The following GUCY1A2 variants were observed in gnomAD, a reference collection of about 807,000 sequenced individuals.
GUCY1A2 encodes the protein guanylate cyclase soluble subunit alpha-2.
A neutral mutation model predicts 63.5 loss-of-function variants in GUCY1A2; 27 were observed. That is an observed-to-expected ratio of 0.43 (90% CI 0.31 to 0.59). The LOEUF (loss-of-function observed/expected upper bound fraction) is 0.59, where lower values mean the gene tolerates loss of function less well. Ranked by LOEUF, GUCY1A2 falls within the 20% of genes least tolerant of loss-of-function variation. The pLI is 0.11. For synonymous variants in GUCY1A2, 364 were observed against 343.5 expected, an observed-to-expected ratio of 1.06 and a Z score of -0.66; for missense variants, 768 against 913.3, an observed-to-expected ratio of 0.84 and a Z score of 2.05.
At chr11:106,693,599 T>C (rs1862664456) in intron 7 of GUCY1A2, among the ~76,000 whole-genome samples, 1 of 152,182 alleles carries the variant, frequency 6.6e-6, no homozygotes, top group Non-Finnish European at 1.5e-5. Context: ...GTTTTCTTTT[T>C]ATGCATTTTG....
chr11:106,905,331 G>T (rs1860189770), intron 4 of GUCY1A2, among the ~76,000 whole-genome samples: 1 of 151,958 alleles, frequency 6.6e-6, no homozygotes, highest in African/African-American at 2.4e-5. Flanking sequence ...TCATAGATTG[G>T]GTGGCTTAAA....
chr11:106,708,310 T>C (rs1862953091), intron 7 of GUCY1A2, among the ~76,000 whole-genome samples: 1 of 152,104 alleles, frequency 6.6e-6, no homozygotes, highest in African/African-American at 2.4e-5. Flanking sequence ...CTCTCAGTCA[T>C]GTCAGATTTT....
rs553620489 is a variant in GUCY1A2 at position 106,861,103 on chromosome 11, C to T, written c.1207-50625G>A. 6.6e-5 allele frequency among the ~76,000 whole-genome samples: 10 copies of T among 152,020 alleles called. No homozygotes were observed. In the South Asian group the frequency reaches 2.1e-3, roughly 32 times the overall value. ...CAATGTGCTTGAGTCCTCGCTCTAA[C>T]CTATTAGATATAAATGGTCTCCACA... On this transcript the variant is annotated intron_variant, in intron 4 of 7. Coordinates refer to ENST00000526355, the MANE Select transcript of GUCY1A2 (RefSeq NM_000855.3).
intron 4 of GUCY1A2, among the ~76,000 whole-genome samples, chr11:106,822,258 G>A (rs1018327372): frequency 2.6e-5 from 4 of 152,062 alleles, no homozygotes; most frequent in African/African-American, 9.7e-5. Context: ...ATTACCATAC[G>A]AACAATTTTT....
intron 5 of GUCY1A2, among the ~76,000 whole-genome samples, chr11:106,788,809 G>T (rs1864610175): frequency 6.6e-6 from 1 of 152,150 alleles, no homozygotes; most frequent in South Asian, 2.1e-4. Flanking sequence ...CTATAGCTCT[G>T]TAGTATAATT....
At chr11:106,965,659 G>A (rs1448250299) in intron 3 of GUCY1A2, among the ~76,000 whole-genome samples, 1 of 152,150 alleles carries the variant, frequency 6.6e-6, no homozygotes, top group Non-Finnish European at 1.5e-5. Context: ...TATGCTGACA[G>A]AGCCAGGACA....
chr11:106,716,479 ATAGCATTGTGATTTTCTT>A (rs1863216107), intron 6 of GUCY1A2, among the ~76,000 whole-genome samples: 1 of 152,138 alleles, frequency 6.6e-6, no homozygotes, highest in Admixed American at 6.5e-5. Flanking sequence ...TTTCCAGCCA[ATAGCATTGTGATTTTCTT>A]TAGGCAATTC....
intron 6 of GUCY1A2, among the ~76,000 whole-genome samples, chr11:106,760,423 G>C (rs1254969279): frequency 6.6e-6 from 1 of 152,048 alleles, no homozygotes; most frequent in Non-Finnish European, 1.5e-5. Context: ...TTCTAAAGTG[G>C]GCCGAACTTC....
intron 1 of GUCY1A2, among the ~76,000 whole-genome samples, chr11:106,992,181 T>C (rs186465989): frequency 9.8e-4 from 149 of 152,280 alleles, no homozygotes; most frequent in Non-Finnish European, 1.1e-3. Context: ...TATATTATCC[T>C]AATTGATCCT....
intron 4 of GUCY1A2, among the ~76,000 whole-genome samples, chr11:106,855,957 A>C (rs1859427017): frequency 6.6e-6 from 1 of 150,406 alleles, no homozygotes; most frequent in East Asian, 2.0e-4. Flanking sequence ...ACAGGGTCTC[A>C]TTCCATCACC....
chr11:106,793,262 C>T (rs919083643), intron 5 of GUCY1A2, among the ~76,000 whole-genome samples: 5 of 152,008 alleles, frequency 3.3e-5, no homozygotes, highest in Non-Finnish European at 5.9e-5. Flanking sequence ...GAGGAAGAAT[C>T]TTCTCTTCAA....
At chr11:106,709,144 T>C (rs939382628) in intron 6 of GUCY1A2, among the ~76,000 whole-genome samples, 2 of 135,256 alleles carry the variant, frequency 1.5e-5, no homozygotes, top group Admixed American at 8.4e-5. Context: ...TAGTTATATA[T>C]ATTATATACA....
At chr11:106,706,842 G>C (rs1862922672) in intron 7 of GUCY1A2, among the ~76,000 whole-genome samples, 2 of 152,064 alleles carry the variant, frequency 1.3e-5, no homozygotes, top group Non-Finnish European at 2.9e-5. Context: ...CAGAATCACT[G>C]ATCTCTACTA....
chr11:106,873,819 A>G (rs1205863901), intron 4 of GUCY1A2, among the ~76,000 whole-genome samples: 1 of 151,680 alleles, frequency 6.6e-6, no homozygotes, highest in Non-Finnish European at 1.5e-5. Context: ...TTGCTACAAA[A>G]GCTTTTCTTA....
intron 4 of GUCY1A2, among the ~76,000 whole-genome samples, chr11:106,842,470 C>A (rs2135444752): frequency 6.6e-6 from 1 of 152,056 alleles, no homozygotes; most frequent in African/African-American, 2.4e-5. Context: ...AAAATAAAAC[C>A]CTGCATTCTA....
chr11:106,946,285 T>G (rs1308037913), intron 3 of GUCY1A2, among the ~76,000 whole-genome samples: 1 of 152,018 alleles, frequency 6.6e-6, no homozygotes, highest in Non-Finnish European at 1.5e-5. Flanking sequence ...AAATGGGAAA[T>G]TGGAGTAGAA....
In GUCY1A2 at chr11:106,677,083, T is replaced by C. The variant is rs1443296280; in HGVS notation, c.*10466A>G. 2 of 213,660 alleles carry C rather than the reference T, an allele frequency of 9.4e-6. No individual in the cohort carries two copies. The highest frequency in any genetic ancestry group is 1.9e-5 in the Non-Finnish European group (2 of 105,586). 13.2% of individuals were successfully genotyped at this position (213,660 alleles called of 1,614,324 possible). A position where few individuals can be genotyped will look rare whatever the true frequency, so the allele number is the denominator to read the frequency against. On this transcript the variant is annotated 3_prime_UTR_variant, in exon 8 of 8. Coordinates refer to ENST00000526355, the MANE Select transcript of GUCY1A2 (RefSeq NM_000855.3). ...CACAAATCCACAAAGTGTTCAATCA[T>C]GTGAAAGTGAAAAAGGGAGGCTCCA...
chr11:106,734,680 G>A (rs1863559220), intron 6 of GUCY1A2, among the ~76,000 whole-genome samples: 1 of 152,062 alleles, frequency 6.6e-6, no homozygotes, highest in Admixed American at 6.6e-5. Context: ...CATTTTCAGG[G>A]TCTAACTCTT....
intron 5 of GUCY1A2, among the ~76,000 whole-genome samples, chr11:106,800,796 G>C (rs1275464013): frequency 6.6e-6 from 1 of 151,910 alleles, no homozygotes; most frequent in African/African-American, 2.4e-5. Flanking sequence ...AAAATGACGA[G>C]TTAATGGGTG....
Sources: gnomAD v4.1 joint callset for allele counts (sites outside exome capture counted in the v4.1 genomes callset) on GRCh38, gnomAD v4.1.1 for gene constraint, MANE v1.5 for transcripts, NCBI Gene and HGNC (gene_info 2026-07-23, HGNC 2026-07-21) for gene names.